Variants in KCNJ16 observed in about 807,000 individuals in gnomAD.
The protein encoded by KCNJ16 is inward rectifier potassium channel 16.
KCNJ16 carries 15 observed loss-of-function variants against 18.5 expected under a neutral mutation model. The ratio of observed to expected loss-of-function variants is 0.81; its 90% CI spans 0.54 to 1.25. KCNJ16 has a LOEUF of 1.25. Among genes scored for constraint, KCNJ16 ranks in the 50% most tolerant of loss-of-function variants. The probability of loss-of-function intolerance (pLI) is 0.00; values close to 1 mark genes in which losing one functional copy is unlikely to be tolerated. For synonymous variants in KCNJ16, 174 were observed against 186.5 expected, an observed-to-expected ratio of 0.93 and a Z score of 0.55; for missense variants, 523 against 525.7, an observed-to-expected ratio of 0.99 and a Z score of 0.05.
intron 1 of KCNJ16, among the ~76,000 whole-genome samples, chr17:70,079,599 T>C (rs1206068588): frequency 1.3e-5 from 2 of 152,242 alleles, no homozygotes; most frequent in African/African-American, 4.8e-5. Context: ...AATCATACTT[T>C]AGTAATCATA....
chr17:70,125,668 C>A (rs1036000274), intron 2 of KCNJ16, among the ~76,000 whole-genome samples: 1 of 152,154 alleles, frequency 6.6e-6, no homozygotes. Flanking sequence ...CCGTGGCTCA[C>A]GCCTGTAATC....
chr17:70,131,986 GT>G lies in KCNJ16; in HGVS notation c.-93-3del. On this transcript the variant is annotated splice_polypyrimidine_tract_variant and splice_region_variant and intron_variant, in intron 3 of 3. Transcript: ENST00000392671. The stretch of plus-strand genomic sequence containing the variant: ...TAAAAAGTGTGTTTTTGTTGTTGTT[GT>G]TTTTTAGGTTCTAACTGAAAACCCA... 6.4e-7 allele frequency: 1 copy of G among 1,552,726 alleles called. No individual in the cohort carries two copies. The highest frequency in any genetic ancestry group is 8.7e-7 in the Non-Finnish European group (1 of 1,153,134).
intron 2 of KCNJ16, among the ~76,000 whole-genome samples, chr17:70,119,161 C>T (rs1030487730): frequency 3.4e-4 from 52 of 152,242 alleles, no homozygotes; most frequent in Middle Eastern, 6.3e-3. Flanking sequence ...ATCCAGAGCA[C>T]GCTGGTGCAA....
rs1225642242 is a variant in KCNJ16, at chr17:70,131,712, T to TA, written c.-93-282dup. On this transcript the variant is annotated intron_variant, in intron 3 of 3. Transcript: ENST00000392671. ...TACAAAAATAAAGCAGATTTTTTTT[T>TA]ATATCAGGTCAGAAAAGTTAGTGAG... Among the ~76,000 whole-genome samples, 3 of 152,358 alleles carry TA rather than the reference T, an allele frequency of 2.0e-5. No homozygotes were observed. In the East Asian group the frequency reaches 5.8e-4, roughly 29 times the overall value.
chr17:70,125,654 G>A (rs374866196), intron 2 of KCNJ16, among the ~76,000 whole-genome samples: 4 of 152,220 alleles, frequency 2.6e-5, no homozygotes, highest in African/African-American at 7.2e-5. Flanking sequence ...GAATGGGCCA[G>A]GTGCCGTGGC....
intron 2 of KCNJ16, chr17:70,101,808 A>G (rs1281491857): frequency 1.3e-5 from 2 of 152,082 alleles, no homozygotes; most frequent in East Asian, 3.9e-4. Flanking sequence ...AGTATTAAGC[A>G]TTCACTGTAC....
intron 2 of KCNJ16, among the ~76,000 whole-genome samples, chr17:70,118,818 T>C (rs8079768): frequency 0.23 from 34,844 of 152,024 alleles, 4,841 homozygotes; most frequent in African/African-American, 0.4. Context: ...TATTCTGCCC[T>C]GGACCACCCC....
At chr17:70,102,461 C>G (rs2072689617) in intron 2 of KCNJ16, among the ~76,000 whole-genome samples, 1 of 151,628 alleles carries the variant, frequency 6.6e-6, no homozygotes, top group Non-Finnish European at 1.5e-5. Flanking sequence ...CTCCTGACCT[C>G]GTGATCTGCC....
At chr17:70,118,725 A>G (rs1299377978) in intron 2 of KCNJ16, among the ~76,000 whole-genome samples, 1 of 152,066 alleles carries the variant, frequency 6.6e-6, no homozygotes, top group Non-Finnish European at 1.5e-5. Context: ...AAAACACAAA[A>G]CACCTCCCAC....
chr17:70,093,053 TAACC>T (rs1201622520), intron 1 of KCNJ16, among the ~76,000 whole-genome samples: 3 of 152,120 alleles, frequency 2.0e-5, no homozygotes, highest in African/African-American at 4.8e-5. Context: ...ACATAAAATA[TAACC>T]AACACGTCCA....
chr17:70,122,755 C>T (rs933677686), intron 2 of KCNJ16, among the ~76,000 whole-genome samples: 4 of 152,194 alleles, frequency 2.6e-5, no homozygotes, highest in African/African-American at 9.6e-5. Context: ...CACCTCACCA[C>T]TGGCCTCTTG....
At position 70,127,612 on chromosome 17, in the gene KCNJ16, T is replaced by A. The variant is rs371058634; in HGVS notation, c.-190-3267T>A. On this transcript the variant is annotated intron_variant, in intron 2 of 3. Coordinates refer to ENST00000392671, the MANE Select transcript of KCNJ16 (RefSeq NM_170741.4). ...CTACCGGCCTACTCTTCATCTACCC[T>A]GGGTCCCATCCTCCCGTCTCCTCCT... 5.3e-5 allele frequency among the ~76,000 whole-genome samples: 8 copies of A among 151,854 alleles called. No individual in the cohort carries two copies. The East Asian group carries it at 1.2e-3, about 22-fold the overall frequency.
chr17:70,119,509 G>T (rs1425892622), intron 2 of KCNJ16, among the ~76,000 whole-genome samples: 1 of 152,204 alleles, frequency 6.6e-6, no homozygotes, highest in Non-Finnish European at 1.5e-5. Flanking sequence ...CAAGTAAGAG[G>T]CTACCAAGCC....
At chr17:70,109,824 A>C (rs1335779373) in intron 2 of KCNJ16, among the ~76,000 whole-genome samples, 1 of 152,138 alleles carries the variant, frequency 6.6e-6, no homozygotes, top group African/African-American at 2.4e-5. Context: ...TCTTCTCCCT[A>C]AATAACTGCT....
At chr17:70,078,924 T>C (rs2071428915) in intron 1 of KCNJ16, among the ~76,000 whole-genome samples, 2 of 152,206 alleles carry the variant, frequency 1.3e-5, no homozygotes, top group Non-Finnish European at 2.9e-5. Flanking sequence ...AATATCATTT[T>C]CACTATGAAC....
chr17:70,103,253 A>T (rs1446158477), intron 2 of KCNJ16, among the ~76,000 whole-genome samples: 5 of 126,278 alleles, frequency 4.0e-5, no homozygotes, highest in Non-Finnish European at 8.3e-5. Context: ...GTATATATAT[A>T]TTTATGTGTA....
intron 2 of KCNJ16, among the ~76,000 whole-genome samples, chr17:70,111,864 TC>T (rs763034993): frequency 2.6e-5 from 4 of 152,076 alleles, no homozygotes; most frequent in Non-Finnish European, 2.9e-5. Context: ...TTATGAGACC[TC>T]CCCAGCCACG....
At chr17:70,116,049 G>C (rs748758370) in intron 2 of KCNJ16, among the ~76,000 whole-genome samples, 2 of 152,008 alleles carry the variant, frequency 1.3e-5, no homozygotes, top group African/African-American at 4.8e-5. Flanking sequence ...CAAAAGTCAT[G>C]CATGTTTACT....
intron 2 of KCNJ16, among the ~76,000 whole-genome samples, chr17:70,103,288 G>GTGTGA (rs372845323): frequency 1.1e-3 from 101 of 88,626 alleles, no homozygotes; most frequent in Admixed American, 2.8e-3. Flanking sequence ...ATGCATATAT[G>GTGTGA]TGTGTGTGTA....
Sources: allele counts gnomAD v4.1 joint callset (sites outside exome capture counted in the v4.1 genomes callset), GRCh38; gene constraint gnomAD v4.1.1; transcripts MANE v1.5; gene names NCBI Gene and HGNC (gene_info 2026-07-23, HGNC 2026-07-21).